Variants in ARHGAP39 observed in about 807,000 individuals in gnomAD.
The protein encoded by ARHGAP39 is Rho GTPase activating protein 39.
A neutral mutation model predicts 106.9 loss-of-function variants in ARHGAP39; 44 were observed. The ratio of observed to expected loss-of-function variants is 0.41; its 90% CI spans 0.32 to 0.53. The LOEUF is 0.53. Among genes scored for constraint, ARHGAP39 ranks in the 20% least tolerant of loss-of-function variants. The probability of loss-of-function intolerance (pLI) is 0.21; values close to 1 mark genes in which losing one functional copy is unlikely to be tolerated. For synonymous variants in ARHGAP39, 768 were observed against 693.2 expected (o/e 1.11, Z -1.69); for missense variants, 1,496 against 1,577.3 (o/e 0.95, Z 0.87).
intron 3 of ARHGAP39, among the ~76,000 whole-genome samples, chr8:144,573,090 T>C (rs933417510): frequency 6.6e-6 from 1 of 152,222 alleles, no homozygotes; most frequent in Non-Finnish European, 1.5e-5. Context: ...GACCCAGCCA[T>C]CTCATTACTG....
At chr8:144,599,685 A>G (rs1819770796) in intron 2 of ARHGAP39, among the ~76,000 whole-genome samples, 1 of 152,246 alleles carries the variant, frequency 6.6e-6, no homozygotes, top group Admixed American at 6.5e-5. Context: ...AACTGAAAGT[A>G]ATGAACCAAC....
At position 144,530,351 on chromosome 8, in the gene ARHGAP39, C is replaced by A. The variant is rs925742475; in HGVS notation, c.*71G>T. On this transcript the variant is annotated 3_prime_UTR_variant, in exon 12 of 12. Coordinates refer to ENST00000377307, the MANE Select transcript of ARHGAP39 (RefSeq NM_025251.3). ...GGCCGGGCGATTCTGGCCCCTCTGCCGGGAGAGCGAGTGCGGAGTTCGGCC... is the reference window on the plus strand; with the variant it reads ...GGCCGGGCGATTCTGGCCCCTCTGCAGGGAGAGCGAGTGCGGAGTTCGGCC... 1.3e-6 allele frequency: 2 copies of A among 1,482,026 alleles called. No individual in the cohort carries two copies. The highest frequency in any genetic ancestry group is 2.8e-5 in the African/African-American group (2 of 71,894). The allele number at this position is 1,482,026 out of a possible 1,614,324, so 91.8% of individuals were successfully genotyped here.
chr8:144,545,704 G>A lies in ARHGAP39; in HGVS notation c.2066C>T (p.Ser689Phe), dbSNP rs756869100. The A allele has an allele frequency of 6.2e-7, 1 of 1,613,110 alleles. No individual in the cohort carries two copies. Among genetic ancestry groups the A allele is most frequent in the South Asian group, 1.1e-5 (1 of 91,082 alleles). ...VFPTFTLRKP[S>F]SETDIENWAS... ...CCAGTTCTCGATGTCCGTCTCCGAGGAGGGCTTGCGCAGCGTGAAAGTGGG... is the reference window on the plus strand; with the variant it reads ...CCAGTTCTCGATGTCCGTCTCCGAGAAGGGCTTGCGCAGCGTGAAAGTGGG... The change falls in exon 6 of 12, where the codon TCC (serine) becomes TTC (phenylalanine). Residue 689 changes from serine to phenylalanine, a missense_variant. By Grantham distance (155) the Ser-to-Phe change is radical. This residue lies in a region of ARHGAP39 where 470 missense variants were observed against 605.1 expected (regional missense o/e 0.78). Transcript: ENST00000377307.
chr8:144,538,867 G>A (rs575309465), intron 6 of ARHGAP39, among the ~76,000 whole-genome samples: 5 of 152,202 alleles, frequency 3.3e-5, no homozygotes, highest in Non-Finnish European at 7.4e-5. Context: ...CACTGCGCCC[G>A]GCCTACTTAT....
intron 3 of ARHGAP39, among the ~76,000 whole-genome samples, chr8:144,565,208 G>A (rs1383709029): frequency 6.6e-6 from 1 of 152,074 alleles, no homozygotes; most frequent in Non-Finnish European, 1.5e-5. Flanking sequence ...GGGCCAGGAG[G>A]TTGAGGCTGC....
chr8:144,592,918 C>T (rs140585192), intron 2 of ARHGAP39, among the ~76,000 whole-genome samples: 70 of 152,248 alleles, frequency 4.6e-4, no homozygotes, highest in African/African-American at 1.6e-3. Flanking sequence ...CTGGGGAACT[C>T]GCGCCTCGGC....
Position 144,535,814 on chromosome 8 carries a change from GTCTC to G in ARHGAP39, c.2615-1616_2615-1613del, listed in dbSNP as rs540445982. On this transcript the variant is annotated intron_variant, in intron 7 of 11. Transcript: ENST00000377307. Reference sequence around the variant, plus strand: ...AGCTGATGAAGGTGATCATAATGCAGTCTCTCTGTGCCTCAGTTTACTCCTCTGT... The same window carrying G: ...AGCTGATGAAGGTGATCATAATGCAGTCTGTGCCTCAGTTTACTCCTCTGT... 4.3e-3 allele frequency among the ~76,000 whole-genome samples: 657 copies of G among 152,366 alleles called. 3 individuals carry two copies. The highest frequency in any genetic ancestry group is 0.015 in the African/African-American group (604 of 41,566).
chr8:144,696,253 C>T, the ARHGAP39 span, among the ~76,000 whole-genome samples: 1 of 152,154 alleles, frequency 6.6e-6, no homozygotes, highest in Admixed American at 6.5e-5. Context: ...ATTCTCATGC[C>T]TTAGCCTCCT....
intron 3 of ARHGAP39, among the ~76,000 whole-genome samples, chr8:144,572,155 G>A (rs779975630): frequency 1.3e-5 from 2 of 152,166 alleles, no homozygotes; most frequent in African/African-American, 2.4e-5. Flanking sequence ...CCAAAAAAGA[G>A]CCCACATTGC....
chr8:144,632,456 C>T (rs904343986), intron 1 of ARHGAP39, among the ~76,000 whole-genome samples: 14 of 152,242 alleles, frequency 9.2e-5, no homozygotes, highest in African/African-American at 1.7e-4. Flanking sequence ...GTGGCCTCAG[C>T]GTGCACGAGG....
intron 2 of ARHGAP39, among the ~76,000 whole-genome samples, chr8:144,600,247 C>T (rs185523024): frequency 2.5e-4 from 34 of 136,812 alleles, no homozygotes; most frequent in Middle Eastern, 5.6e-3. Flanking sequence ...TACCTACCTG[C>T]GTGTGCGTGT....
intron 2 of ARHGAP39, among the ~76,000 whole-genome samples, chr8:144,605,022 G>T (rs117221222): frequency 0.026 from 3,941 of 152,236 alleles, 94 homozygotes; most frequent in Admixed American, 0.066. Flanking sequence ...GGCACTTTGG[G>T]AGGCCTCGGC....
intron 6 of ARHGAP39, among the ~76,000 whole-genome samples, chr8:144,544,123 G>A (rs1466310623): frequency 6.6e-6 from 1 of 152,198 alleles, no homozygotes; most frequent in African/African-American, 2.4e-5. Flanking sequence ...CTGCACACCT[G>A]GAGCCCCGGC....
chr8:144,555,534 G>C (rs763835115), intron 4 of ARHGAP39, 26 bp downstream of exon 4: 4 of 1,606,156 alleles, frequency 2.5e-6, no homozygotes, highest in Non-Finnish European at 3.4e-6. Flanking sequence ...CATCACAAAC[G>C]GCCACGCCTG....
Position 144,581,064 on chromosome 8 carries a change from G to A in ARHGAP39, c.294C>T (p.Cys98=), listed in dbSNP as rs1330133586. The change falls in exon 3 of 12, where the codon TGC becomes TGT. Residue 98 remains cysteine (C), a synonymous_variant. Transcript: ENST00000377307. The part of the protein sequence containing the change: ...QRTVWHRPQG[C]DIIPLAKLQT... ...GCAGCTTGGCCAGCGGGATGATGTC[G>A]CAGCCCTGCGGCCGGTGCCACACCG... 1.3e-6 allele frequency: 2 copies of A among 1,585,448 alleles called. No homozygotes were observed. The highest frequency in any genetic ancestry group is 3.6e-5 in the Admixed American group (2 of 54,972).
intron 6 of ARHGAP39, 108 bp downstream of exon 6, chr8:144,545,141 C>T: frequency 9.3e-7 from 1 of 1,078,140 alleles, no homozygotes; most frequent in Admixed American, 2.8e-5. Context: ...CGAACCATGG[C>T]CCTGTGTGGA....
intron 1 of ARHGAP39, among the ~76,000 whole-genome samples, chr8:144,637,095 G>C: frequency 6.6e-6 from 1 of 152,136 alleles, no homozygotes; most frequent in East Asian, 1.9e-4. Flanking sequence ...GTGTCTGGTG[G>C]ACTCTGGGAC....
chr8:144,635,258 G>T (rs565633681), intron 1 of ARHGAP39, among the ~76,000 whole-genome samples: 7 of 152,244 alleles, frequency 4.6e-5, no homozygotes, highest in Non-Finnish European at 8.8e-5. Context: ...CTCCCCATGG[G>T]GGGAGGCGAA....
Position 144,532,353 on chromosome 8 carries a change from C to A in ARHGAP39, c.2932G>T (p.Val978Leu). Residue 978 changes from valine (V) to leucine (L), a missense_variant, in exon 10 of 12, where the codon GTG becomes TTG. By Grantham distance (32) the Val-to-Leu change is conservative. This residue lies in a region of ARHGAP39 where 470 missense variants were observed against 605.1 expected (regional missense o/e 0.78). Coordinates refer to ENST00000377307, the MANE Select transcript of ARHGAP39 (RefSeq NM_025251.3). ...CCTGTGGGCACCTTCCACTGGTCCA[C>A]CTGCAGCTTCAGGGCATTCACCTCG... ...IDEVNALKLQ[V>L]DQWKVPTGLE... 2 of 1,612,962 alleles carry A rather than the reference C, an allele frequency of 1.2e-6. No individual in the cohort carries two copies. The highest frequency in any genetic ancestry group is 1.7e-6 in the Non-Finnish European group (2 of 1,179,754).
Sources: allele counts gnomAD v4.1 joint callset (sites outside exome capture counted in the v4.1 genomes callset), GRCh38; gene constraint gnomAD v4.1.1; regional missense constraint gnomAD v4.1.1; transcripts MANE v1.5; gene names NCBI Gene and HGNC (gene_info 2026-07-23, HGNC 2026-07-21).